SHOC2: variants seen among roughly 807,000 people sequenced by gnomAD.
SHOC2 encodes SHOC2 leucine rich repeat scaffold protein, also known as leucine-rich repeat protein SHOC-2.
SHOC2 carries 4 observed loss-of-function variants against 50.2 expected under a neutral mutation model. The observed-to-expected ratio is 0.08, with a 90% CI of 0.04 to 0.18. The LOEUF (loss-of-function observed/expected upper bound fraction) is 0.18. SHOC2 is among the 10% of genes least tolerant of loss of function. SHOC2 has a pLI of 1.00. For synonymous variants in SHOC2, 218 were observed against 244.5 expected, an observed-to-expected ratio of 0.89 and a Z score of 1.01; for missense variants, 388 against 669.6, an observed-to-expected ratio of 0.58 and a Z score of 4.64.
chr10:110,981,107 T>C (rs1239299728), intron 2 of SHOC2, among the ~76,000 whole-genome samples: 1 of 152,084 alleles, frequency 6.6e-6, no homozygotes, highest in Non-Finnish European at 1.5e-5. Context: ...ATAAAGAACT[T>C]TGTGAATGGC....
chr10:110,952,916 G>A (rs533187732), intron 1 of SHOC2, among the ~76,000 whole-genome samples: 1 of 152,248 alleles, frequency 6.6e-6, no homozygotes, highest in South Asian at 2.1e-4. Context: ...TGACTGCATA[G>A]TATTCCATGG....
chr10:110,936,142 G>A (rs1564703700), intron 1 of SHOC2, among the ~76,000 whole-genome samples: 1 of 149,978 alleles, frequency 6.7e-6, no homozygotes, highest in Non-Finnish European at 1.5e-5. Flanking sequence ...TGTCGCCCAG[G>A]TTGGAGTGCA....
chr10:110,957,509 A>G (rs1322154312), intron 1 of SHOC2, among the ~76,000 whole-genome samples: 1 of 151,622 alleles, frequency 6.6e-6, no homozygotes, highest in Non-Finnish European at 1.5e-5. Flanking sequence ...CAGGAAGAAC[A>G]TCAGATTCTT....
chr10:111,003,063 T>C (rs1848408473), intron 4 of SHOC2, among the ~76,000 whole-genome samples: 2 of 152,242 alleles, frequency 1.3e-5, no homozygotes, highest in South Asian at 4.1e-4. Context: ...CTGTTGTTCC[T>C]TTTGTTTCTG....
intron 1 of SHOC2, among the ~76,000 whole-genome samples, chr10:110,928,739 A>G (rs1360204187): frequency 6.6e-6 from 1 of 152,144 alleles, no homozygotes; most frequent in South Asian, 2.1e-4. Flanking sequence ...TACCAAAAAT[A>G]CAAAAATTAA....
chr10:110,965,987 A>G (rs1157109322), intron 2 of SHOC2, among the ~76,000 whole-genome samples: 2 of 152,080 alleles, frequency 1.3e-5, no homozygotes, highest in East Asian at 3.8e-4. Flanking sequence ...TTTTTGTATT[A>G]AAGGCAATTT....
At chr10:110,989,016 A>T (rs1006190431) in intron 3 of SHOC2, 1 of 506,614 alleles carries the variant, frequency 2.0e-6, no homozygotes, top group Non-Finnish European at 3.9e-6. Context: ...TGATAGAAGA[A>T]TGTTATTTTG....
Position 110,964,572 on chromosome 10 carries a change from A to G in SHOC2, c.214A>G (p.Ile72Val), listed in dbSNP as rs1467483630. ...PGVAFSVDNT[I>V]KRPNPAPGTR... Reference sequence around the variant, plus strand: ...GGTGGCATTTTCAGTTGACAATACGATCAAACGGCCAAACCCAGCACCTGG... The same window carrying G: ...GGTGGCATTTTCAGTTGACAATACGGTCAAACGGCCAAACCCAGCACCTGG... The change falls in exon 2 of 9, where the codon ATC becomes GTC. Residue 72 changes from isoleucine (I) to valine (V), a missense_variant. Ile to Val is a conservative substitution (Grantham distance 29). This residue lies in a region of SHOC2 where 121 missense variants were observed against 145.5 expected (regional missense o/e 0.83). Transcript: ENST00000369452. This position sits in a 1 kb window ranked among gnomAD's most constrained non-coding sequence, Gnocchi z 4.9. 1 of 1,613,998 alleles carries G rather than the reference A, an allele frequency of 6.2e-7. No homozygotes were observed. The highest frequency in any genetic ancestry group is 8.5e-7 in the Non-Finnish European group (1 of 1,180,014).
intron 1 of SHOC2, among the ~76,000 whole-genome samples, chr10:110,941,228 C>A (rs1264693828): frequency 6.6e-6 from 1 of 151,866 alleles, no homozygotes; most frequent in East Asian, 1.9e-4. Flanking sequence ...ATTAATGATA[C>A]TGAACATCTT....
chr10:111,008,244 C>A (rs994059879), intron 6 of SHOC2, among the ~76,000 whole-genome samples: 1 of 150,104 alleles, frequency 6.7e-6, no homozygotes, highest in East Asian at 1.9e-4. Flanking sequence ...AGGATGATTT[C>A]TCCTGCTTCT....
chr10:110,960,495 T>G (rs1270241236), intron 1 of SHOC2, among the ~76,000 whole-genome samples: 1 of 152,236 alleles, frequency 6.6e-6, no homozygotes, highest in African/African-American at 2.4e-5. Context: ...GACCTGGTTT[T>G]GAATTTTTCC....
At chr10:110,976,726 T>G (rs1847885041) in intron 2 of SHOC2, among the ~76,000 whole-genome samples, 1 of 152,216 alleles carries the variant, frequency 6.6e-6, no homozygotes, top group Non-Finnish European at 1.5e-5. Context: ...GCTTGCCTAG[T>G]TTTTGACAAG....
intron 2 of SHOC2, among the ~76,000 whole-genome samples, chr10:110,979,267 C>T (rs1158035135): frequency 6.6e-6 from 1 of 152,234 alleles, no homozygotes; most frequent in Non-Finnish European, 1.5e-5. Context: ...GTCTTTTCAA[C>T]ATGGCAGCTT....
intron 1 of SHOC2, among the ~76,000 whole-genome samples, chr10:110,948,288 A>G (rs1303226284): frequency 6.6e-6 from 1 of 152,232 alleles, no homozygotes; most frequent in African/African-American, 2.4e-5. Flanking sequence ...TAGTAATATA[A>G]TAATAGGGAC....
At chr10:111,001,805 AGGCG>A (rs201784171) in intron 4 of SHOC2, among the ~76,000 whole-genome samples, 10,868 of 152,176 alleles carry the variant, frequency 0.071, 509 homozygotes, top group African/African-American at 0.14. Flanking sequence ...AGGCCGAGGC[AGGCG>A]GGCGGATCAC....
In SHOC2 at chr10:110,985,549, T is replaced by A. The variant is rs74156321; in HGVS notation, c.704-79T>A. The A allele has an allele frequency of 2.0e-3, 2,128 of 1,078,380 alleles. 35 individuals carry two copies. The African/African-American group carries it at 0.03, about 15-fold the overall frequency. The allele number at this position is 1,078,380 out of a possible 1,614,324, so 66.8% of individuals were successfully genotyped here. ...GTTGTTTGTGTTCAGAAATTATAGA[T>A]TTATTTTCTTGCTTAGAAGTATTAT... On this transcript the variant is annotated intron_variant, in intron 2 of 8. Coordinates refer to ENST00000369452, the MANE Select transcript of SHOC2 (RefSeq NM_007373.4).
intron 1 of SHOC2, among the ~76,000 whole-genome samples, chr10:110,960,757 C>T (rs1847555043): frequency 6.6e-6 from 1 of 152,184 alleles, no homozygotes; most frequent in Non-Finnish European, 1.5e-5. Flanking sequence ...CTCACTGCAA[C>T]CACTGCCTCT....
At chr10:110,987,568 T>C (rs931077309) in intron 3 of SHOC2, among the ~76,000 whole-genome samples, 15 of 152,214 alleles carry the variant, frequency 9.9e-5, no homozygotes, top group Non-Finnish European at 2.1e-4. Context: ...TGAATTATTC[T>C]ATTAATATCC....
chr10:111,004,478 C>T, intron 4 of SHOC2, 128 bp from the exon 5 acceptor site: 1 of 697,174 alleles, frequency 1.4e-6, no homozygotes, highest in East Asian at 2.7e-5. Context: ...TCACAGACTG[C>T]CCCAACCAGT....
Sources: allele counts gnomAD v4.1 joint callset (sites outside exome capture counted in the v4.1 genomes callset), GRCh38; gene constraint gnomAD v4.1.1; regional missense constraint gnomAD v4.1.1; non-coding constraint Gnocchi (gnomAD v3.1); transcripts MANE v1.5; gene names NCBI Gene and HGNC (gene_info 2026-07-23, HGNC 2026-07-21).